Variants in PTPRD observed in about 807,000 individuals in gnomAD.
The protein encoded by PTPRD is protein tyrosine phosphatase receptor type D, also known as receptor-type tyrosine-protein phosphatase delta.
PTPRD carries 34 observed loss-of-function variants against 214.5 expected under a neutral mutation model. The observed-to-expected ratio is 0.16, with a 90% CI of 0.12 to 0.21. PTPRD has a LOEUF of 0.21. Among genes scored for constraint, PTPRD ranks in the 10% least tolerant of loss-of-function variants. PTPRD has a pLI of 1.00. For synonymous variants in PTPRD, 1,128 were observed against 845.7 expected, an observed-to-expected ratio of 1.33 and a Z score of -5.79; for missense variants, 2,545 against 2,398.7, an observed-to-expected ratio of 1.06 and a Z score of -1.27.
chr9:10,573,836 A>G (rs931608062), intron 2 of PTPRD, among the ~76,000 whole-genome samples: 1 of 152,210 alleles, frequency 6.6e-6, no homozygotes. Context: ...TAGTAAAGAC[A>G]TGGAAGGTAA....
rs181761872 is a variant in PTPRD, at chr9:10,480,344, T to C, written c.-600+132054A>G. 7.6e-4 allele frequency among the ~76,000 whole-genome samples: 115 copies of C among 152,282 alleles called. 1 individual carries two copies. The highest frequency in any genetic ancestry group is 1.3e-3 in the Non-Finnish European group (90 of 68,010). On this transcript the variant is annotated intron_variant, in intron 2 of 45. Coordinates refer to ENST00000381196, the MANE Select transcript of PTPRD (RefSeq NM_002839.4). Reference sequence around the variant, plus strand: ...TGAGCAGAGAATAAAGACCATCATATTCCCACCCTCCAGCTAGGATTATAA... The same window carrying C: ...TGAGCAGAGAATAAAGACCATCATACTCCCACCCTCCAGCTAGGATTATAA...
chr9:8,436,463 C>T (rs1029923070), intron 35 of PTPRD, 129 bp downstream of exon 35: 4 of 653,000 alleles, frequency 6.1e-6, no homozygotes, highest in African/African-American at 1.8e-5. Flanking sequence ...GTTCATTATA[C>T]ATTTTTATAT....
chr9:10,359,435 C>T (rs746270198), intron 2 of PTPRD, among the ~76,000 whole-genome samples: 7 of 152,038 alleles, frequency 4.6e-5, no homozygotes, highest in Non-Finnish European at 7.4e-5. Flanking sequence ...CTTCCCAACT[C>T]TTGGTAATAA....
chr9:9,981,644 G>C (rs1161605678), intron 4 of PTPRD, among the ~76,000 whole-genome samples: 2 of 152,046 alleles, frequency 1.3e-5, no homozygotes, highest in African/African-American at 2.4e-5. Context: ...ACAGGCGTGA[G>C]CCACTGCGTC....
intron 11 of PTPRD, among the ~76,000 whole-genome samples, chr9:8,870,423 G>A (rs763077818): frequency 3.9e-5 from 6 of 152,016 alleles, no homozygotes; most frequent in African/African-American, 7.3e-5. Context: ...GACTAGAATT[G>A]AAGATGCAAG....
chr9:8,351,005 G>A (rs558966968), intron 39 of PTPRD, among the ~76,000 whole-genome samples: 13 of 152,274 alleles, frequency 8.5e-5, no homozygotes, highest in African/African-American at 3.1e-4. Context: ...TATGCACAAA[G>A]AGAGTAGAAA....
intron 31 of PTPRD, among the ~76,000 whole-genome samples, chr9:8,470,722 T>C (rs1054116610): frequency 1.3e-5 from 2 of 152,128 alleles, no homozygotes; most frequent in Admixed American, 6.5e-5. Flanking sequence ...CTCTACATCA[T>C]GTTTTACAAG....
intron 2 of PTPRD, among the ~76,000 whole-genome samples, chr9:10,542,546 T>C (rs1185807451): frequency 6.8e-6 from 1 of 148,038 alleles, no homozygotes; most frequent in Non-Finnish European, 1.5e-5. Context: ...GTTGTCTTAT[T>C]AGAATTAATT....
chr9:9,461,801 T>C (rs1186322865), intron 8 of PTPRD, among the ~76,000 whole-genome samples: 1 of 152,146 alleles, frequency 6.6e-6, no homozygotes, highest in African/African-American at 2.4e-5. Flanking sequence ...GTAAATGAAC[T>C]GTGCAGAGAA....
chr9:8,327,618 C>G (rs1293666641), intron 44 of PTPRD, among the ~76,000 whole-genome samples: 1 of 152,010 alleles, frequency 6.6e-6, no homozygotes, highest in African/African-American at 2.4e-5. Flanking sequence ...ATTGATCTGT[C>G]TAATATTGAC....
At chr9:9,817,147 CA>C (rs1213390022) in intron 5 of PTPRD, among the ~76,000 whole-genome samples, 2 of 152,022 alleles carry the variant, frequency 1.3e-5, no homozygotes, top group Non-Finnish European at 2.9e-5. Context: ...ATGAGGGAGA[CA>C]AGTCATATAA....
At chr9:9,287,396 T>G (rs1372776755) in intron 9 of PTPRD, among the ~76,000 whole-genome samples, 1 of 151,868 alleles carries the variant, frequency 6.6e-6, no homozygotes, top group Non-Finnish European at 1.5e-5. Context: ...CTATAAAATT[T>G]TAGTGCTAAA....
intron 5 of PTPRD, among the ~76,000 whole-genome samples, chr9:9,922,331 C>G (rs1456022026): frequency 6.6e-6 from 1 of 152,054 alleles, no homozygotes; most frequent in South Asian, 2.1e-4. Context: ...TAAATTAAAC[C>G]TGTTAAATGT....
intron 10 of PTPRD, among the ~76,000 whole-genome samples, chr9:9,137,280 T>A (rs779429817): frequency 2.0e-5 from 3 of 152,194 alleles, no homozygotes; most frequent in Non-Finnish European, 4.4e-5. Flanking sequence ...TGTATAACCT[T>A]CCTTGGGCTA....
chr9:10,524,608 T>G (rs1408146464), intron 2 of PTPRD, among the ~76,000 whole-genome samples: 3 of 152,062 alleles, frequency 2.0e-5, no homozygotes, highest in Non-Finnish European at 4.4e-5. Flanking sequence ...CATTTTTCAA[T>G]AAGGATATGT....
chr9:8,724,447 C>A lies in PTPRD; in HGVS notation c.64+9333G>T, dbSNP rs62528776. ...CTACTCCGTAACTTCCAACTAGCCT[C>A]TTAACAGATCTCAAGGCCACTCTGG... On this transcript the variant is annotated intron_variant, in intron 12 of 45. Coordinates refer to ENST00000381196, the MANE Select transcript of PTPRD (RefSeq NM_002839.4). Among the ~76,000 whole-genome samples the A allele has an allele frequency of 9.3e-3, 1,414 of 152,298 alleles. 14 individuals carry two copies. Among genetic ancestry groups the A allele is most frequent in the Non-Finnish European group, 0.017 (1,129 of 68,024 alleles).
At chr9:8,681,449 A>T (rs2154372776) in intron 12 of PTPRD, among the ~76,000 whole-genome samples, 1 of 152,318 alleles carries the variant, frequency 6.6e-6, no homozygotes, top group South Asian at 2.1e-4. Flanking sequence ...TTAACCAAGA[A>T]GCTGCTAGAA....
At chr9:10,398,862 T>A (rs959279204) in intron 2 of PTPRD, among the ~76,000 whole-genome samples, 4 of 151,916 alleles carry the variant, frequency 2.6e-5, no homozygotes, top group Non-Finnish European at 5.9e-5. Context: ...AACTGAGGCA[T>A]AAAAGGAATA....
intron 44 of PTPRD, among the ~76,000 whole-genome samples, chr9:8,323,886 A>G (rs933784777): frequency 8.5e-5 from 13 of 152,174 alleles, no homozygotes; most frequent in Non-Finnish European, 1.8e-4. Flanking sequence ...AATGCTATCA[A>G]ACAACATTGC....
Sources: gnomAD v4.1 joint callset for allele counts (sites outside exome capture counted in the v4.1 genomes callset) on GRCh38, gnomAD v4.1.1 for gene constraint, MANE v1.5 for transcripts, NCBI Gene and HGNC (gene_info 2026-07-23, HGNC 2026-07-21) for gene names.